The following ADARB2 variants were observed in gnomAD, a reference collection of about 807,000 sequenced individuals.
The protein encoded by ADARB2 is inactive double-stranded RNA-specific editase B2.
Under a neutral mutation model 62.2 loss-of-function variants are expected in ADARB2, and 25 were observed. The ratio of observed to expected loss-of-function variants is 0.40; its 90% CI spans 0.29 to 0.56. The LOEUF (loss-of-function observed/expected upper bound fraction) is 0.56, where lower values mean the gene tolerates loss of function less well. Ranked by LOEUF, ADARB2 falls within the 20% of genes least tolerant of loss-of-function variation. The pLI, the probability that ADARB2 is intolerant of heterozygous loss-of-function variation, is 0.43. For missense variants in ADARB2, 1,071 were observed against 1,077.4 expected (o/e 0.99, Z 0.08); for synonymous variants, 572 against 500.8 (o/e 1.14, Z -1.90).
intron 1 of ADARB2, among the ~76,000 whole-genome samples, chr10:1,646,667 C>T (rs971403613): frequency 2.0e-5 from 3 of 152,220 alleles, no homozygotes; most frequent in African/African-American, 7.2e-5. Context: ...TGCAACAGTC[C>T]CTTCTAGTCC....
intron 1 of ADARB2, among the ~76,000 whole-genome samples, chr10:1,721,916 G>A (rs1835098590): frequency 6.6e-6 from 1 of 152,120 alleles, no homozygotes; most frequent in Admixed American, 6.5e-5. Context: ...CTCATTCCTG[G>A]TGATCAGAGA....
intron 1 of ADARB2, among the ~76,000 whole-genome samples, chr10:1,479,469 A>T (rs1831441586): frequency 1.3e-5 from 2 of 152,176 alleles, no homozygotes; most frequent in Non-Finnish European, 2.9e-5. Flanking sequence ...TTGGTAGAGC[A>T]GCTTGGAGTA....
chr10:1,326,861 C>CAGCGCCTCCCCACTGCA (rs1831858026), intron 3 of ADARB2, among the ~76,000 whole-genome samples: 1 of 17,656 alleles, frequency 5.7e-5, no homozygotes, highest in African/African-American at 2.2e-4. Context: ...TCCCCACTGC[C>CAGCGCCTCCCCACTGCA]CAGCGCCTCC....
chr10:1,449,784 C>T (rs1831015407), intron 1 of ADARB2, among the ~76,000 whole-genome samples: 2 of 152,224 alleles, frequency 1.3e-5, no homozygotes, highest in South Asian at 4.1e-4. Flanking sequence ...CCAATTTAAT[C>T]TCTATTAGGC....
chr10:1,536,516 C>T (rs536250122), intron 1 of ADARB2, among the ~76,000 whole-genome samples: 3 of 152,224 alleles, frequency 2.0e-5, no homozygotes, highest in Non-Finnish European at 4.4e-5. Context: ...GGCAGGTCTG[C>T]ACCTGCGTCT....
Position 1,185,146 on chromosome 10 carries a change from C to T in ADARB2, c.1865-107G>A, listed in dbSNP as rs114970189. ...GAGCCTGTATGTGAGTGGGAATGGTCCTCCCTTTTCATCCTCAGGACTGGC... is the reference window on the plus strand; with the variant it reads ...GAGCCTGTATGTGAGTGGGAATGGTTCTCCCTTTTCATCCTCAGGACTGGC... On this transcript the variant is annotated intron_variant, in intron 8 of 9. Coordinates refer to ENST00000381312, the MANE Select transcript of ADARB2 (RefSeq NM_018702.4). 2.8e-4 allele frequency: 386 copies of T among 1,359,536 alleles called. 2 individuals are homozygous for T. In the African/African-American group the frequency reaches 5.0e-3, roughly 18 times the overall value. 84.2% of individuals were successfully genotyped at this position (1,359,536 alleles called of 1,614,324 possible).
At chr10:1,678,338 G>C in intron 1 of ADARB2, 1 of 985,132 alleles carries the variant, frequency 1.0e-6, no homozygotes, top group South Asian at 4.7e-5. Flanking sequence ...ACATCCTCGG[G>C]GTGAGGGACC....
intron 1 of ADARB2, among the ~76,000 whole-genome samples, chr10:1,715,944 C>T (rs1367336023): frequency 6.6e-6 from 1 of 152,216 alleles, no homozygotes; most frequent in Non-Finnish European, 1.5e-5. Flanking sequence ...ACTTCTCGCC[C>T]GACTGCTAAC....
At chr10:1,199,638 CA>C in intron 8 of ADARB2, 6 of 261,848 alleles carry the variant, frequency 2.3e-5, no homozygotes, top group Admixed American at 5.6e-5. Flanking sequence ...GGCAGGTGGG[CA>C]GGTGGGCGGC....
chr10:1,265,082 C>G (rs534588092), intron 4 of ADARB2, among the ~76,000 whole-genome samples: 61 of 152,306 alleles, frequency 4.0e-4, no homozygotes, highest in Non-Finnish European at 5.3e-4. Context: ...CAAAAGGAAC[C>G]TGGAACTGGG....
At chr10:1,270,356 G>A (rs554814734) in intron 4 of ADARB2, among the ~76,000 whole-genome samples, 4 of 152,200 alleles carry the variant, frequency 2.6e-5, no homozygotes, top group East Asian at 3.9e-4. Flanking sequence ...TGAGTGTGAC[G>A]AGGAGGTCAT....
chr10:1,242,862 A>G (rs1388145388), intron 4 of ADARB2, among the ~76,000 whole-genome samples: 1 of 152,240 alleles, frequency 6.6e-6, no homozygotes, highest in Non-Finnish European at 1.5e-5. Context: ...CCCCATCCAC[A>G]AAAATGATAC....
intron 3 of ADARB2, among the ~76,000 whole-genome samples, chr10:1,327,283 TCACTGCCCAGCGCCTCCC>T (rs1163902984): frequency 4.8e-5 from 3 of 62,446 alleles, no homozygotes; most frequent in Admixed American, 1.4e-4. Context: ...CAGCGCCTCC[TCACTGCCCAGCGCCTCCC>T]CACGGCACAG....
At chr10:1,437,855 G>C (rs886578220) in intron 1 of ADARB2, among the ~76,000 whole-genome samples, 8 of 152,094 alleles carry the variant, frequency 5.3e-5, no homozygotes, top group African/African-American at 1.7e-4. Flanking sequence ...GTGTAGGGCA[G>C]ATGGAATAAA....
intron 1 of ADARB2, among the ~76,000 whole-genome samples, chr10:1,436,214 A>T (rs963986822): frequency 6.6e-6 from 1 of 152,250 alleles, no homozygotes; most frequent in African/African-American, 2.4e-5. Context: ...GCAGCTCTTC[A>T]GAAGCCACTT....
At chr10:1,569,327 T>C (rs1832905242) in intron 1 of ADARB2, among the ~76,000 whole-genome samples, 1 of 152,140 alleles carries the variant, frequency 6.6e-6, no homozygotes, top group South Asian at 2.1e-4. Flanking sequence ...CAGCAGCGGC[T>C]GCTTCTTTGC....
chr10:1,658,298 C>G (rs552735409), intron 1 of ADARB2, among the ~76,000 whole-genome samples: 1 of 150,302 alleles, frequency 6.7e-6, no homozygotes, highest in South Asian at 2.1e-4. Context: ...CTATGTAGCT[C>G]TTCTGTCTCT....
chr10:1,516,131 A>G (rs1315246189), intron 1 of ADARB2, among the ~76,000 whole-genome samples: 1 of 152,204 alleles, frequency 6.6e-6, no homozygotes, highest in Non-Finnish European at 1.5e-5. Flanking sequence ...CTGCTGTGAT[A>G]CAGACCGGGG....
chr10:1,293,974 G>A (rs925907786), intron 3 of ADARB2, among the ~76,000 whole-genome samples: 3 of 151,994 alleles, frequency 2.0e-5, no homozygotes, highest in African/African-American at 4.8e-5. Flanking sequence ...GCTTGCAGGG[G>A]GGCGGGGGCA....
Sources: gnomAD v4.1 joint callset for allele counts (sites outside exome capture counted in the v4.1 genomes callset) on GRCh38, gnomAD v4.1.1 for gene constraint, MANE v1.5 for transcripts, NCBI Gene and HGNC (gene_info 2026-07-23, HGNC 2026-07-21) for gene names.